The following TMEM59 variants were observed in gnomAD, a reference collection of about 807,000 sequenced individuals.
TMEM59 encodes the protein transmembrane protein 59, also known as dendritic cell factor 1.
TMEM59 carries 44 observed loss-of-function variants against 42.2 expected under a neutral mutation model. The ratio of observed to expected loss-of-function variants is 1.04; its 90% CI spans 0.82 to 1.34. TMEM59 has a LOEUF of 1.34. TMEM59 is among the 40% of genes most tolerant of loss of function. TMEM59 has a pLI of 0.00. For synonymous variants in TMEM59, 148 were observed against 145.8 expected, an observed-to-expected ratio of 1.02 and a Z score of -0.11; for missense variants, 359 against 382.8, an observed-to-expected ratio of 0.94 and a Z score of 0.52.
At chr1:54,042,077 G>A (rs770228678) in intron 4 of TMEM59, among the ~76,000 whole-genome samples, 1 of 149,708 alleles carries the variant, frequency 6.7e-6, no homozygotes. Context: ...TTTTTAAAGG[G>A]AGAGAGGGAC....
intron 1 of TMEM59, among the ~76,000 whole-genome samples, chr1:54,050,562 G>GTTTC (rs113411852): frequency 0.028 from 3,875 of 138,230 alleles, 118 homozygotes; most frequent in African/African-American, 0.084. Context: ...AATTAAATAT[G>GTTTC]TTTCTTTTTT....
chr1:54,049,188 T>C (rs1657446105), intron 1 of TMEM59, among the ~76,000 whole-genome samples: 1 of 152,212 alleles, frequency 6.6e-6, no homozygotes, highest in Non-Finnish European at 1.5e-5. Context: ...ACTTGCCACT[T>C]ATTCTGCACA....
intron 2 of TMEM59, among the ~76,000 whole-genome samples, chr1:54,046,255 A>G (rs1421145936): frequency 6.6e-6 from 1 of 152,270 alleles, no homozygotes; most frequent in Non-Finnish European, 1.5e-5. Flanking sequence ...ATACAAATAT[A>G]AGGTATTATT....
At chr1:54,038,525 T>C (rs948342240) in intron 6 of TMEM59, among the ~76,000 whole-genome samples, 10 of 152,194 alleles carry the variant, frequency 6.6e-5, no homozygotes, top group Non-Finnish European at 1.3e-4. Context: ...GAAATGCAAG[T>C]GAAGAAAGAG....
In TMEM59 at chr1:54,028,401, G is replaced by C. The variant is rs1569921100; in HGVS notation, c.*3749C>G. 1 of 152,196 alleles carries C rather than the reference G, an allele frequency of 6.6e-6. No individual in the cohort carries two copies. Among genetic ancestry groups the C allele is most frequent in the East Asian group, 1.9e-4 (1 of 5,204 alleles). 9.4% of individuals were successfully genotyped at this position (152,196 alleles called of 1,614,324 possible). A position where few individuals can be genotyped will look rare whatever the true frequency, so the allele number is the denominator to read the frequency against. On this transcript the variant is annotated 3_prime_UTR_variant, in exon 8 of 8. Transcript: ENST00000234831. ...GTCTATCTTCCACATTGCTGTCCGA[G>C]TGAATCATTCCAACACTGTATGGCA...
At chr1:54,048,316 T>C (rs1161781355) in intron 1 of TMEM59, among the ~76,000 whole-genome samples, 2 of 152,232 alleles carry the variant, frequency 1.3e-5, no homozygotes, top group Admixed American at 6.5e-5. Flanking sequence ...TAAGTTATTT[T>C]ACCTGTCTAA....
At chr1:54,053,363 A>C (rs1469954428), upstream of TMEM59, 2 of 691,140 alleles carry the variant, frequency 2.9e-6, no homozygotes, top group Admixed American at 5.9e-5. Context: ...CACCTCTGGG[A>C]CTACGAACTT....
chr1:54,044,509 T>G (rs1259212016), intron 3 of TMEM59: 3 of 119,066 alleles, frequency 2.5e-5, no homozygotes, highest in African/African-American at 4.3e-5. Context: ...TTTTCATCTG[T>G]TTTTTTTTTT....
chr1:54,032,948 C>T (rs1377762945), intron 7 of TMEM59, among the ~76,000 whole-genome samples: 5 of 145,242 alleles, frequency 3.4e-5, no homozygotes, highest in East Asian at 2.0e-4. Flanking sequence ...TTTAAAGAGA[C>T]GGGGTCTTGT....
In TMEM59 at chr1:54,032,258, T is replaced by C; in HGVS notation, c.864A>G (p.Leu288=). ...GDLEFMNEQK[L]NRYPASSLVV... ...CAAGAGAAGAAGCTGGATATCTGTT[T>C]AGCTTTTGTTCATTCATAAACTCCA... Residue 288 remains leucine (L), a synonymous_variant, in exon 8 of 8, where the codon CTA becomes CTG. Coordinates refer to ENST00000234831, the MANE Select transcript of TMEM59 (RefSeq NM_004872.5). 1 of 1,612,584 alleles carries C rather than the reference T, an allele frequency of 6.2e-7. No individual in the cohort carries two copies. The highest frequency in any genetic ancestry group is 8.5e-7 in the Non-Finnish European group (1 of 1,179,186).
Position 54,030,689 on chromosome 1 carries a change from G to A in TMEM59, c.*1461C>T, listed in dbSNP as rs1656739441. 6.6e-6 allele frequency: 1 copy of A among 152,108 alleles called. No homozygotes were observed. Among genetic ancestry groups the A allele is most frequent in the Non-Finnish European group, 1.5e-5 (1 of 68,028 alleles). 9.4% of individuals were successfully genotyped at this position (152,108 alleles called of 1,614,324 possible). Reference sequence around the variant, plus strand: ...CTAATTCCTCCTTTCTTCCCCATCTGGATGTGTTCACAACTTTCTATCATC... The same window carrying A: ...CTAATTCCTCCTTTCTTCCCCATCTAGATGTGTTCACAACTTTCTATCATC... On this transcript the variant is annotated 3_prime_UTR_variant, in exon 8 of 8. Coordinates refer to ENST00000234831, the MANE Select transcript of TMEM59 (RefSeq NM_004872.5).
chr1:54,036,589 A>G, intron 7 of TMEM59, 21 bp downstream of exon 7: 2 of 1,558,358 alleles, frequency 1.3e-6, no homozygotes, highest in Admixed American at 1.9e-5. Flanking sequence ...TCAGTCTTCA[A>G]ATGGTAAGAA....
intron 3 of TMEM59, chr1:54,044,215 C>A (rs1048801143): frequency 2.0e-5 from 3 of 151,596 alleles, no homozygotes; most frequent in Non-Finnish European, 4.4e-5. Context: ...TGGTGGCGCA[C>A]GCCTGTAGTC....
chr1:54,038,344 C>A (rs1657022451), intron 6 of TMEM59, among the ~76,000 whole-genome samples: 2 of 152,188 alleles, frequency 1.3e-5, no homozygotes, highest in South Asian at 4.1e-4. Flanking sequence ...CAATCCTCCC[C>A]TTGAAACCTC....
At chr1:54,042,049 T>G (rs1020970342) in intron 4 of TMEM59, among the ~76,000 whole-genome samples, 1 of 150,180 alleles carries the variant, frequency 6.7e-6, no homozygotes, top group African/African-American at 2.5e-5. Context: ...TGACAACGTT[T>G]TGTTTTGTTT....
chr1:54,034,253 G>A (rs1656870605), intron 7 of TMEM59: 1 of 152,532 alleles, frequency 6.6e-6, no homozygotes, highest in African/African-American at 2.4e-5. Flanking sequence ...GTGAGATGGG[G>A]GTAGGGGTGG....
Position 54,047,337 on chromosome 1 carries a change from C to A in TMEM59, c.225G>T (p.Arg75Ser), listed in dbSNP as rs763895623. 4.4e-5 allele frequency: 71 copies of A among 1,613,762 alleles called. No individual in the cohort carries two copies. Among genetic ancestry groups the A allele is most frequent in the Non-Finnish European group, 5.8e-5 (69 of 1,179,944 alleles). ...EELYACQRGCRLFSICQFVDD... is the reference protein window; with the variant it reads ...EELYACQRGCSLFSICQFVDD... ...CCACAAACTGACAAATTGAAAACAGCCTGCAACCTCTCTGACATGCGTACA... is the reference window on the plus strand; with the variant it reads ...CCACAAACTGACAAATTGAAAACAGACTGCAACCTCTCTGACATGCGTACA... Residue 75 changes from arginine (R) to serine (S), a missense_variant, in exon 2 of 8, where the codon AGG (arginine) becomes AGT (serine). Physicochemically the swap from Arg to Ser is moderately radical, Grantham distance 110 (BLOSUM62 -1). Coordinates refer to ENST00000234831, the MANE Select transcript of TMEM59 (RefSeq NM_004872.5).
chr1:54,048,210 G>A (rs1271079446), intron 1 of TMEM59, among the ~76,000 whole-genome samples: 1 of 152,136 alleles, frequency 6.6e-6, no homozygotes, highest in African/African-American at 2.4e-5. Flanking sequence ...TTAAAACTGG[G>A]CTTACATTAA....
rs1184881877 is a variant in TMEM59, at chr1:54,047,378, G to T, written c.190-6C>A. The T allele has an allele frequency of 6.2e-7, 1 of 1,609,478 alleles. No homozygotes were observed. Among genetic ancestry groups the T allele is most frequent in the African/African-American group, 1.3e-5 (1 of 74,630 alleles). Reference sequence around the variant, plus strand: ...CATGCGTACAACTCCTCTTCCTAGGGAGTTCAAGAACAGGAAGGGTTACCA... The same window carrying T: ...CATGCGTACAACTCCTCTTCCTAGGTAGTTCAAGAACAGGAAGGGTTACCA... On this transcript the variant is annotated splice_region_variant and splice_polypyrimidine_tract_variant and intron_variant, in intron 1 of 7. Transcript: ENST00000234831.
Sources: allele counts gnomAD v4.1 joint callset (sites outside exome capture counted in the v4.1 genomes callset), GRCh38; gene constraint gnomAD v4.1.1; transcripts MANE v1.5; gene names NCBI Gene and HGNC (gene_info 2026-07-23, HGNC 2026-07-21).